PLEKHG1: variants seen among roughly 807,000 people sequenced by gnomAD.
PLEKHG1 encodes pleckstrin homology domain-containing family G member 1.
A neutral mutation model predicts 100.8 loss-of-function variants in PLEKHG1; 44 were observed. The observed-to-expected ratio is 0.44, with a 90% CI of 0.34 to 0.56. The LOEUF is 0.56. Ranked by LOEUF, PLEKHG1 falls within the 20% of genes least tolerant of loss-of-function variation. The probability of loss-of-function intolerance (pLI) is 0.01; values close to 1 mark genes in which losing one functional copy is unlikely to be tolerated. For synonymous variants in PLEKHG1, 640 were observed against 662.5 expected, an observed-to-expected ratio of 0.97 and a Z score of 0.52; for missense variants, 1,545 against 1,720.9, an observed-to-expected ratio of 0.90 and a Z score of 1.81.
At chr6:150,666,960 G>A (rs190162286) in intron 3 of PLEKHG1, among the ~76,000 whole-genome samples, 45 of 152,132 alleles carry the variant, frequency 3.0e-4, no homozygotes, top group African/African-American at 8.2e-4. Context: ...GAGTTTCACC[G>A]CGTTAGCCAG....
chr6:150,601,175 A>G (rs150190482), intron 1 of PLEKHG1, among the ~76,000 whole-genome samples: 2 of 152,378 alleles, frequency 1.3e-5, no homozygotes, highest in Non-Finnish European at 2.9e-5. Flanking sequence ...GTAATGCGGT[A>G]CAATAACAAC....
At chr6:150,736,616 A>C (rs143328161) in intron 2 of PLEKHG1, among the ~76,000 whole-genome samples, 1,781 of 152,210 alleles carry the variant, frequency 0.012, 35 homozygotes, top group African/African-American at 0.041. Context: ...TAAAAATACA[A>C]AAATTAGCCG....
chr6:150,628,883 T>C (rs561097661), intron 1 of PLEKHG1, among the ~76,000 whole-genome samples: 2 of 152,226 alleles, frequency 1.3e-5, no homozygotes, highest in African/African-American at 4.8e-5. Flanking sequence ...ATAATGAGGC[T>C]TTGCAGAGGA....
chr6:150,704,790 G>A (rs1780937703), intron 3 of PLEKHG1, among the ~76,000 whole-genome samples: 1 of 152,256 alleles, frequency 6.6e-6, no homozygotes, highest in South Asian at 2.1e-4. Flanking sequence ...TAGTCCTGGT[G>A]GTTGTAAGTC....
chr6:150,656,029 T>C (rs2128577410), intron 3 of PLEKHG1, among the ~76,000 whole-genome samples: 1 of 152,030 alleles, frequency 6.6e-6, no homozygotes, highest in African/African-American at 2.4e-5. Context: ...CAGACCGACA[T>C]GGCACGTGTA....
chr6:150,783,037 C>T (rs965537680), intron 3 of PLEKHG1, among the ~76,000 whole-genome samples: 1 of 151,434 alleles, frequency 6.6e-6, no homozygotes, highest in African/African-American at 2.4e-5. Context: ...GAAGATTTTG[C>T]ACGCATGAAA....
rs555028511 is a variant in PLEKHG1, at chr6:150,740,610, G to A, written c.411+6518G>A. Among the ~76,000 whole-genome samples the A allele has an allele frequency of 2.6e-5, 4 of 152,302 alleles. No individual in the cohort carries two copies. The East Asian group carries it at 5.8e-4, about 22-fold the overall frequency. ...AGAAAAATGTGTTCCATGCTCAAGCGTAGGAGTTGGTAGGGATTGTTTTAA... is the reference window on the plus strand; with the variant it reads ...AGAAAAATGTGTTCCATGCTCAAGCATAGGAGTTGGTAGGGATTGTTTTAA... On this transcript the variant is annotated intron_variant, in intron 2 of 15. Transcript: ENST00000358517.
intron 5 of PLEKHG1, 28 bp downstream of exon 6, chr6:150,795,930 C>T (rs772345903): frequency 7.1e-7 from 1 of 1,404,424 alleles, no homozygotes; most frequent in South Asian, 1.2e-5. Context: ...GCCAAGAGTA[C>T]TTTTGTTCAC....
At chr6:150,829,065 CCA>C (rs1263897635) in intron 14 of PLEKHG1, among the ~76,000 whole-genome samples, 1 of 152,096 alleles carries the variant, frequency 6.6e-6, no homozygotes, top group Non-Finnish European at 1.5e-5. Flanking sequence ...AATAGATATT[CCA>C]ATTAACATCT....
At position 150,776,841 on chromosome 6, in the gene PLEKHG1, G is replaced by T. The variant is rs567404969; in HGVS notation, c.512+8103G>T. ...GCAATCCTGGCGTACATGTGCGGTT[G>T]CACATCAGCCACACTGATGCAATCC... On this transcript the variant is annotated intron_variant, in intron 3 of 15. Coordinates refer to ENST00000358517, the Ensembl canonical transcript of PLEKHG1. 3.1e-3 allele frequency among the ~76,000 whole-genome samples: 468 copies of T among 151,692 alleles called. 4 individuals carry two copies. The highest frequency in any genetic ancestry group is 0.011 in the African/African-American group (436 of 41,318).
intron 2 of PLEKHG1, among the ~76,000 whole-genome samples, chr6:150,751,009 C>G (rs1222617773): frequency 6.6e-6 from 1 of 152,018 alleles, no homozygotes; most frequent in Non-Finnish European, 1.5e-5. Flanking sequence ...CATCCGTGTA[C>G]AATGTTGAGC....
intron 3 of PLEKHG1, among the ~76,000 whole-genome samples, chr6:150,677,163 T>G (rs1433667667): frequency 6.6e-6 from 1 of 152,204 alleles, no homozygotes; most frequent in Non-Finnish European, 1.5e-5. Context: ...AATGCAGATC[T>G]GATTGATTAT....
chr6:150,790,997 C>T (rs572262186), intron 4 of PLEKHG1, among the ~76,000 whole-genome samples: 72 of 152,246 alleles, frequency 4.7e-4, no homozygotes, highest in Middle Eastern at 3.4e-3. Context: ...CACTCCAAGC[C>T]TGGGCGACAG....
In PLEKHG1 at chr6:150,701,627, C is replaced by T. The variant is rs571529154; in HGVS notation, c.-98-31957C>T. Among the ~76,000 whole-genome samples the T allele has an allele frequency of 1.2e-4, 16 of 138,020 alleles. No homozygotes were observed. The South Asian group carries it at 3.9e-3, about 33-fold the overall frequency. The allele number at this position is 138,020 out of a possible 152,430, so 90.5% of individuals were successfully genotyped here. On this transcript the variant is annotated intron_variant, in intron 3 of 3. Coordinates refer to the PLEKHG1 transcript ENST00000367326. ...CCCTCCCCTCACCCCACAGTGGCCC[C>T]GGTGTATGTTGTTCCCCTTCCTGTG...
chr6:150,801,199 T>C (rs1481037026), intron 6 of PLEKHG1, among the ~76,000 whole-genome samples: 2 of 152,138 alleles, frequency 1.3e-5, no homozygotes, highest in African/African-American at 4.8e-5. Context: ...CAGCCCCGAT[T>C]CAGTAGGCAA....
chr6:150,742,158 G>C (rs899841990), intron 2 of PLEKHG1, among the ~76,000 whole-genome samples: 1 of 152,212 alleles, frequency 6.6e-6, no homozygotes, highest in African/African-American at 2.4e-5. Context: ...AATGTATTTG[G>C]CTGATGGTTC....
chr6:150,617,179 C>T lies in PLEKHG1; in HGVS notation c.-204+17162C>T, dbSNP rs937399374. On this transcript the variant is annotated intron_variant, in intron 1 of 3. Coordinates refer to the PLEKHG1 transcript ENST00000367326. ...TGGAGGGTTTGTTAAGTTAAAAAAA[C>T]ACTCATTTGGTGGTATGCTTCTGGT... Among the ~76,000 whole-genome samples, 3 of 152,182 alleles carry T rather than the reference C, an allele frequency of 2.0e-5. 1 individual carries two copies. The South Asian group carries it at 6.2e-4, about 32-fold the overall frequency.
At position 150,821,840 on chromosome 6, in the gene PLEKHG1, T is replaced by A. The variant is rs950065920; in HGVS notation, c.1447+607T>A. Among the ~76,000 whole-genome samples, 11 of 151,336 alleles carry A rather than the reference T, an allele frequency of 7.3e-5. No homozygotes were observed. In the East Asian group the frequency reaches 7.7e-4, roughly 11 times the overall value. Reference sequence around the variant, plus strand: ...AGACAGAGGACTCTTTTATTTTTTTTTTTATTTTTTTATTTTTTGAGACAG... The same window carrying A: ...AGACAGAGGACTCTTTTATTTTTTTATTTATTTTTTTATTTTTTGAGACAG... On this transcript the variant is annotated intron_variant, in intron 13 of 15. Coordinates refer to ENST00000358517, the Ensembl canonical transcript of PLEKHG1.
At chr6:150,769,373 G>C (rs1222318515) in intron 3 of PLEKHG1, among the ~76,000 whole-genome samples, 2 of 151,956 alleles carry the variant, frequency 1.3e-5, no homozygotes, top group Non-Finnish European at 2.9e-5. Context: ...CTTGAGGTTA[G>C]GAGTTCGAGA....
Sources: allele counts gnomAD v4.1 joint callset (sites outside exome capture counted in the v4.1 genomes callset), GRCh38; gene constraint gnomAD v4.1.1; transcripts MANE v1.5; gene names NCBI Gene and HGNC (gene_info 2026-07-23, HGNC 2026-07-21).